The following ARID2 variants were observed in gnomAD, a reference collection of about 807,000 sequenced individuals.
ARID2 encodes the protein AT-rich interactive domain-containing protein 2.
In ARID2, 32 loss-of-function variants were observed where a neutral mutation model predicts 184.6. The ratio of observed to expected loss-of-function variants is 0.17; its 90% CI spans 0.13 to 0.23. ARID2 has a LOEUF of 0.23. Ranked by LOEUF, ARID2 falls within the 10% of genes least tolerant of loss-of-function variation. The probability of loss-of-function intolerance (pLI) is 1.00; values close to 1 mark genes in which losing one functional copy is unlikely to be tolerated. For missense variants in ARID2, 1,696 were observed against 2,197.6 expected (o/e 0.77, Z 4.56); for synonymous variants, 836 against 772.6 (o/e 1.08, Z -1.36).
intron 16 of ARID2, among the ~76,000 whole-genome samples, chr12:45,876,200 C>G (rs1021832334): frequency 3.3e-5 from 5 of 152,116 alleles, no homozygotes; most frequent in Non-Finnish European, 7.4e-5. Context: ...TATCAGGGAG[C>G]CCTAAGGATG....
chr12:45,773,736 A>C (rs1941922762), intron 3 of ARID2, among the ~76,000 whole-genome samples: 2 of 152,186 alleles, frequency 1.3e-5, no homozygotes, highest in African/African-American at 4.8e-5. Flanking sequence ...GATTGAGTTA[A>C]TTATTATTTT....
chr12:45,730,264 C>A, intron 2 of ARID2, 127 bp downstream of exon 2: 1 of 802,810 alleles, frequency 1.2e-6, no homozygotes, highest in Non-Finnish European at 1.8e-6. Flanking sequence ...CTTTTCGCTC[C>A]CAGCCGGTGG....
chr12:45,851,854 G>T lies in ARID2; in HGVS notation c.3731G>T (p.Cys1244Phe). The T allele has an allele frequency of 3.7e-6, 6 of 1,614,144 alleles. No homozygotes were observed. Among genetic ancestry groups the T allele is most frequent in the South Asian group, 1.1e-5 (1 of 91,088 alleles). ...TPPFKGDKII[C>F]QKEEEAKEAT... Reference sequence around the variant, plus strand: ...CCATTCAAAGGTGATAAAATAATTTGCCAAAAGGAGGAGGAAGCAAAGGAA... The same window carrying T: ...CCATTCAAAGGTGATAAAATAATTTTCCAAAAGGAGGAGGAAGCAAAGGAA... Residue 1244 changes from cysteine (C) to phenylalanine (F), a missense_variant, in exon 15 of 21, where the codon TGC (cysteine) becomes TTC (phenylalanine). Around this residue, in one of 11 missense-constraint regions of ARID2, gnomAD observed 428 missense variants for 409.1 expected, o/e 1.05. Transcript: ENST00000334344.
chr12:45,757,495 TGA>T (rs770830106), intron 3 of ARID2, among the ~76,000 whole-genome samples: 19 of 152,206 alleles, frequency 1.2e-4, no homozygotes, highest in Non-Finnish European at 2.2e-4. Flanking sequence ...GGGATAGTCT[TGA>T]AAAATGTTTA....
intron 3 of ARID2, among the ~76,000 whole-genome samples, chr12:45,751,656 T>C (rs777243339): frequency 5.3e-4 from 81 of 152,214 alleles, no homozygotes; most frequent in Non-Finnish European, 1.2e-4. Flanking sequence ...AGAGTGTACT[T>C]ACACAAACCT....
At chr12:45,891,118 T>G (rs1944295010) in intron 16 of ARID2, among the ~76,000 whole-genome samples, 1 of 149,648 alleles carries the variant, frequency 6.7e-6, no homozygotes, top group Non-Finnish European at 1.5e-5. Flanking sequence ...TGAGCCGAGA[T>G]CGCACCACTG....
rs776265754 is a variant in ARID2 at position 45,893,505 on chromosome 12, A to C, written c.5233A>C (p.Arg1745=). The change falls in exon 19 of 21, where the codon AGG becomes CGG. Residue 1745 remains arginine (R), a synonymous_variant. Coordinates refer to ENST00000334344, the MANE Select transcript of ARID2 (RefSeq NM_152641.4). ...NHPSAALMAL[R]RGSRNLVFRD... ...TCCCAGTGCTGCACTTATGGCTCTG[A>C]GGAGAGGATCAAGAAACCTTGTCTT... The C allele has an allele frequency of 1.3e-5, 21 of 1,613,874 alleles. No individual in the cohort carries two copies. The South Asian group carries it at 2.1e-4, about 16-fold the overall frequency.
intron 3 of ARID2, among the ~76,000 whole-genome samples, chr12:45,795,501 G>T (rs34072608): frequency 0.14 from 20,947 of 151,736 alleles, 1,878 homozygotes; most frequent in Middle Eastern, 0.21. Flanking sequence ...GTGCGATCTC[G>T]GCTCACTGCA....
chr12:45,738,679 A>G (rs1222901726), intron 3 of ARID2, among the ~76,000 whole-genome samples: 2 of 152,112 alleles, frequency 1.3e-5, no homozygotes, highest in African/African-American at 2.4e-5. Context: ...TAGAAAAAAT[A>G]ACAACTAGGA....
chr12:45,836,442 C>T, intron 6 of ARID2, 147 bp from the exon 7 acceptor site: 1 of 693,916 alleles, frequency 1.4e-6, no homozygotes, highest in Non-Finnish European at 2.3e-6. Flanking sequence ...TCTCAAACTC[C>T]CAGCTGCAAG....
intron 3 of ARID2, among the ~76,000 whole-genome samples, chr12:45,803,071 G>A (rs1435922929): frequency 2.6e-5 from 4 of 151,564 alleles, no homozygotes; most frequent in Non-Finnish European, 5.9e-5. Context: ...TTTTCTGAAA[G>A]TCTTTTTTTC....
At chr12:45,744,841 T>A (rs929275898) in intron 3 of ARID2, among the ~76,000 whole-genome samples, 1 of 152,240 alleles carries the variant, frequency 6.6e-6, no homozygotes, top group East Asian at 1.9e-4. Context: ...AAATGTGTTA[T>A]GTTTTTACAT....
chr12:45,892,299 G>C (rs1380628893), intron 18 of ARID2, among the ~76,000 whole-genome samples: 1 of 152,212 alleles, frequency 6.6e-6, no homozygotes, highest in Non-Finnish European at 1.5e-5. Flanking sequence ...AATGTGGTCT[G>C]TAAGTTACCT....
chr12:45,739,520 G>A (rs1941207249), intron 3 of ARID2, among the ~76,000 whole-genome samples: 1 of 123,922 alleles, frequency 8.1e-6, no homozygotes, highest in Admixed American at 1.1e-4. Flanking sequence ...TTTTTATGAA[G>A]AATTCAAATA....
chr12:45,846,377 T>C (rs542744750), intron 11 of ARID2, among the ~76,000 whole-genome samples: 8 of 152,160 alleles, frequency 5.3e-5, no homozygotes, highest in African/African-American at 1.9e-4. Context: ...AATTAGGGAG[T>C]GAAGCCATAA....
In ARID2 at chr12:45,793,825, T is replaced by A. The variant is rs1444368944; in HGVS notation, c.285-17593T>A. Among the ~76,000 whole-genome samples, 11 of 149,048 alleles carry A rather than the reference T, an allele frequency of 7.4e-5. 1 individual carries two copies. The highest frequency in any genetic ancestry group is 6.7e-4 in the Admixed American group (10 of 14,900). On this transcript the variant is annotated intron_variant, in intron 3 of 20. Transcript: ENST00000334344. ...TCTTTTAGTGCAGGTCTGCTGGTTT[T>A]AAAAAAAAAAGTCATTTCTTTTTTT...
intron 3 of ARID2, among the ~76,000 whole-genome samples, chr12:45,765,184 A>G (rs1941748747): frequency 6.6e-6 from 1 of 151,838 alleles, no homozygotes; most frequent in African/African-American, 2.4e-5. Flanking sequence ...TCTCATGCCC[A>G]TTTCTTTATT....
intron 16 of ARID2, among the ~76,000 whole-genome samples, chr12:45,863,714 C>G (rs1171057810): frequency 6.6e-6 from 1 of 152,062 alleles, no homozygotes; most frequent in Admixed American, 6.5e-5. Flanking sequence ...TATGTGCTCT[C>G]TTCCTTTTAA....
rs146181875 is a variant in ARID2, at chr12:45,899,068, T to C, written c.5363+5347T>C. ...GCAGGTGAATCACGAGGTCAAGATA[T>C]TGAGATCATCCTGGCCAACATGGTG... On this transcript the variant is annotated intron_variant, in intron 20 of 20. Coordinates refer to ENST00000334344, the MANE Select transcript of ARID2 (RefSeq NM_152641.4). 4.7e-4 allele frequency among the ~76,000 whole-genome samples: 70 copies of C among 149,534 alleles called. 2 individuals are homozygous for C. In the East Asian group the frequency reaches 0.013, roughly 28 times the overall value.
Sources: gnomAD v4.1 joint callset for allele counts (sites outside exome capture counted in the v4.1 genomes callset) on GRCh38, gnomAD v4.1.1 for gene constraint, gnomAD v4.1.1 regional missense constraint, MANE v1.5 for transcripts, NCBI Gene and HGNC (gene_info 2026-07-23, HGNC 2026-07-21) for gene names.